DCHS2: variants seen among roughly 807,000 people sequenced by gnomAD.
The protein encoded by DCHS2 is dachsous cadherin-related 2.
A neutral mutation model predicts 182.4 loss-of-function variants in DCHS2; 142 were observed. The observed-to-expected ratio is 0.78, with a 90% CI of 0.68 to 0.89. The LOEUF (loss-of-function observed/expected upper bound fraction) is 0.89, where lower values mean the gene tolerates loss of function less well. DCHS2 is among the 40% of genes least tolerant of loss of function. The probability of loss-of-function intolerance (pLI) is 0.00; values close to 1 mark genes in which losing one functional copy is unlikely to be tolerated. For synonymous variants in DCHS2, 1,740 were observed against 1,663.3 expected (o/e 1.05, Z -1.12); for missense variants, 4,319 against 4,198.6 (o/e 1.03, Z -0.79).
intron 1 of DCHS2, among the ~76,000 whole-genome samples, chr4:154,382,876 T>C (rs950699364): frequency 1.3e-5 from 2 of 152,050 alleles, no homozygotes; most frequent in Non-Finnish European, 2.9e-5. Context: ...TGAAGAAAAG[T>C]GGACACTTAA....
chr4:154,432,929 CTCTATA>C (rs974052244), intron 1 of DCHS2, among the ~76,000 whole-genome samples: 24 of 152,264 alleles, frequency 1.6e-4, no homozygotes, highest in African/African-American at 4.8e-4. Context: ...AGATCTCTCT[CTCTATA>C]TATATACACC....
At position 154,304,735 on chromosome 4, in the gene DCHS2, C is replaced by G. The variant is rs765523587; in HGVS notation, c.5539G>C (p.Val1847Leu). The G allele has an allele frequency of 6.2e-7, 1 of 1,614,070 alleles. No individual in the cohort carries two copies. ...EVLENQEPEV[V>L]YTVLASDMDA... ...ATATCAGAGGCTAAAACCGTATAGA[C>G]AACCTCTGGTTCCTGGTTTTCCAGA... Residue 1847 changes from valine to leucine, a missense_variant, in exon 12 of 20, where the codon GTC becomes CTC. Transcript: ENST00000357232.
At chr4:154,331,602 C>G in intron 5 of DCHS2, 5 of 1,612,764 alleles carry the variant, frequency 3.1e-6, no homozygotes, top group Non-Finnish European at 4.2e-6. Context: ...ATTCACAGAA[C>G]AGAGACTTGA....
At chr4:154,444,919 G>T (rs1734210842) in intron 1 of DCHS2, among the ~76,000 whole-genome samples, 1 of 152,142 alleles carries the variant, frequency 6.6e-6, no homozygotes, top group African/African-American at 2.4e-5. Context: ...TACCACCTCA[G>T]AGTGTTTGCG....
chr4:154,456,772 T>C (rs1734786386), intron 1 of DCHS2, among the ~76,000 whole-genome samples: 1 of 152,198 alleles, frequency 6.6e-6, no homozygotes, highest in Non-Finnish European at 1.5e-5. Context: ...ATGAGGTTAG[T>C]AGATGAACTT....
intron 12 of DCHS2, among the ~76,000 whole-genome samples, chr4:154,300,278 T>G (rs748605857): frequency 5.3e-5 from 8 of 152,022 alleles, no homozygotes; most frequent in African/African-American, 9.7e-5. Flanking sequence ...TGCTGAAGAT[T>G]CTATAGTTTC....
intron 12 of DCHS2, among the ~76,000 whole-genome samples, chr4:154,302,355 G>A (rs999054504): frequency 1.3e-5 from 2 of 152,220 alleles, no homozygotes; most frequent in African/African-American, 4.8e-5. Context: ...CGCTGTGCAG[G>A]CGTCTTGGTT....
intron 3 of DCHS2, among the ~76,000 whole-genome samples, chr4:154,345,689 C>T (rs1729326457): frequency 6.6e-6 from 1 of 152,058 alleles, no homozygotes; most frequent in Non-Finnish European, 1.5e-5. Context: ...CAAGTTAAAG[C>T]CCATGAGAGC....
At chr4:154,294,543 C>T (rs143863353) in intron 13 of DCHS2, among the ~76,000 whole-genome samples, 15 of 152,226 alleles carry the variant, frequency 9.9e-5, no homozygotes, top group East Asian at 5.8e-4. Context: ...TAATGCTATC[C>T]GCAGCAAATG....
chr4:154,278,810 G>A lies in DCHS2; in HGVS notation c.6464-8797C>T, dbSNP rs557488371. ...AACTGTCCTTCATAAATGAAGGAGA[G>A]GTGACTTTCCTAGATAAACAAACGT... On this transcript the variant is annotated intron_variant, in intron 13 of 19. Coordinates refer to ENST00000357232, the MANE Select transcript of DCHS2 (RefSeq NM_001358235.2). Among the ~76,000 whole-genome samples the A allele has an allele frequency of 1.4e-4, 22 of 152,022 alleles. No homozygotes were observed. In the South Asian group the frequency reaches 3.7e-3, roughly 26 times the overall value.
In DCHS2 at chr4:154,334,929, T is replaced by C. The variant is rs1383614847; in HGVS notation, c.2652A>G (p.Leu884=). Reference sequence around the variant, plus strand: ...TATCTTCAGGCACATCTTCATAAACTAAGAAAGTGTACTTAGGCCTTTCAA... The same window carrying C: ...TATCTTCAGGCACATCTTCATAAACCAAGAAAGTGTACTTAGGCCTTTCAA... ...AEFERPKYTF[L]VYEDVPEDSP... Residue 884 remains leucine, a synonymous_variant, in exon 4 of 20, where the codon TTA becomes TTG. Coordinates refer to ENST00000357232, the MANE Select transcript of DCHS2 (RefSeq NM_001358235.2). The C allele has an allele frequency of 1.2e-6, 2 of 1,614,082 alleles. No individual in the cohort carries two copies.
At chr4:154,385,784 GC>G (rs1731387099) in intron 1 of DCHS2, among the ~76,000 whole-genome samples, 1 of 151,904 alleles carries the variant, frequency 6.6e-6, no homozygotes, top group Non-Finnish European at 1.5e-5. Flanking sequence ...GAGCCACCAC[GC>G]CCAGCCCAAT....
intron 1 of DCHS2, among the ~76,000 whole-genome samples, chr4:154,466,581 T>C (rs1735249277): frequency 6.6e-6 from 1 of 152,208 alleles, no homozygotes; most frequent in African/African-American, 2.4e-5. Flanking sequence ...CCTTGCATTC[T>C]TGGCATACCC....
At chr4:154,444,608 G>A (rs577051127) in intron 1 of DCHS2, among the ~76,000 whole-genome samples, 380 of 152,176 alleles carry the variant, frequency 2.5e-3, no homozygotes, top group Non-Finnish European at 4.4e-3. Context: ...GGCTCTCCCT[G>A]CTTGGAATCA....
At chr4:154,408,225 A>G (rs1033286408) in intron 1 of DCHS2, among the ~76,000 whole-genome samples, 1 of 152,230 alleles carries the variant, frequency 6.6e-6, no homozygotes, top group Non-Finnish European at 1.5e-5. Context: ...AAATACATTC[A>G]GCCAGATCAT....
At chr4:154,285,947 C>G (rs115782152) in intron 13 of DCHS2, among the ~76,000 whole-genome samples, 2,429 of 152,174 alleles carry the variant, frequency 0.016, 62 homozygotes, top group East Asian at 0.11. Flanking sequence ...TCAGGTATGA[C>G]CCAGTGCAGT....
chr4:154,284,250 C>T (rs1734287807), intron 13 of DCHS2, among the ~76,000 whole-genome samples: 1 of 152,100 alleles, frequency 6.6e-6, no homozygotes. Context: ...ACAATAGACG[C>T]CAATTAAAAA....
intron 1 of DCHS2, among the ~76,000 whole-genome samples, chr4:154,415,085 T>C (rs561157127): frequency 3.3e-5 from 5 of 152,334 alleles, no homozygotes; most frequent in African/African-American, 9.6e-5. Flanking sequence ...CTATTTTCTC[T>C]GCCTAAATCA....
At chr4:154,474,283 T>C (rs761924442) in intron 1 of DCHS2, among the ~76,000 whole-genome samples, 16 of 152,172 alleles carry the variant, frequency 1.1e-4, no homozygotes, top group South Asian at 4.1e-4. Flanking sequence ...CTAAATAAGG[T>C]CACAGTCACA....
Sources: allele counts gnomAD v4.1 joint callset (sites outside exome capture counted in the v4.1 genomes callset), GRCh38; gene constraint gnomAD v4.1.1; transcripts MANE v1.5; gene names NCBI Gene and HGNC (gene_info 2026-07-23, HGNC 2026-07-21).